Variants in BTG3 observed in about 807,000 individuals in gnomAD.
BTG3 encodes protein BTG3.
In BTG3, 4 loss-of-function variants were observed where a neutral mutation model predicts 25.8. The ratio of observed to expected loss-of-function variants is 0.16; its 90% CI spans 0.08 to 0.36. BTG3 has a LOEUF of 0.36. Ranked by LOEUF, BTG3 falls within the 10% of genes least tolerant of loss-of-function variation. BTG3 has a pLI of 1.00. For missense variants in BTG3, 201 were observed against 304.9 expected (o/e 0.66, Z 2.54); for synonymous variants, 107 against 99.9 (o/e 1.07, Z -0.42).
In BTG3 at chr21:17,611,146, CT is replaced by C. The variant is rs2061716814; in HGVS notation, c.-9+1552del. Among the ~76,000 whole-genome samples, 4 of 152,318 alleles carry C rather than the reference CT, an allele frequency of 2.6e-5. No individual in the cohort carries two copies. The South Asian group carries it at 8.3e-4, about 32-fold the overall frequency. The stretch of plus-strand genomic sequence containing the variant: ...TCCTGAAAAATGTAAGCCATTTCCA[CT>C]TTGTAAAGCTACGTTTATATTCCAC... On this transcript the variant is annotated intron_variant, in intron 1 of 4. Transcript: ENST00000348354.
At chr21:17,595,365 A>G (rs1294914947) in intron 4 of BTG3, among the ~76,000 whole-genome samples, 1 of 151,880 alleles carries the variant, frequency 6.6e-6, no homozygotes, top group Admixed American at 6.6e-5. Context: ...AAAAAGTACA[A>G]AAGGGTAAAC....
At chr21:17,599,539 G>A (rs1181894609) in intron 3 of BTG3, among the ~76,000 whole-genome samples, 1 of 149,374 alleles carries the variant, frequency 6.7e-6, no homozygotes, top group Non-Finnish European at 1.5e-5. Flanking sequence ...TGCAATGGGT[G>A]CAATCTCGGC....
intron 4 of BTG3, among the ~76,000 whole-genome samples, chr21:17,597,480 T>TG (rs1478683826): frequency 6.6e-6 from 1 of 151,840 alleles, no homozygotes; most frequent in Non-Finnish European, 1.5e-5. Context: ...GGAATGTCTC[T>TG]GGAAGGATAC....
intron 1 of BTG3, among the ~76,000 whole-genome samples, chr21:17,610,093 G>T (rs1164897560): frequency 1.3e-5 from 2 of 152,178 alleles, no homozygotes; most frequent in Non-Finnish European, 2.9e-5. Context: ...CATATTGTAC[G>T]ATTCCATTGA....
At chr21:17,604,328 C>G (rs1302549828) in intron 3 of BTG3, 1 of 217,996 alleles carries the variant, frequency 4.6e-6, no homozygotes, top group Non-Finnish European at 9.8e-6. Flanking sequence ...GCCTGTAATT[C>G]CAGCTACTCA....
intron 4 of BTG3, among the ~76,000 whole-genome samples, chr21:17,597,173 A>C (rs1345944227): frequency 6.6e-6 from 1 of 152,110 alleles, no homozygotes. Context: ...ATAGTCTTTC[A>C]ACATGAGGGA....
Position 17,594,060 on chromosome 21 carries a change from C to T in BTG3, c.*33G>A. ...GTAGTAAGGTTTATTCTACCTTTTTCTCAACATGACACCAACACAATCAAA... is the reference window on the plus strand; with the variant it reads ...GTAGTAAGGTTTATTCTACCTTTTTTTCAACATGACACCAACACAATCAAA... On this transcript the variant is annotated 3_prime_UTR_variant, in exon 5 of 5. Transcript: ENST00000348354. 1 of 1,597,390 alleles carries T rather than the reference C, an allele frequency of 6.3e-7. No individual in the cohort carries two copies. Among genetic ancestry groups the T allele is most frequent in the South Asian group, 1.1e-5 (1 of 88,290 alleles).
At chr21:17,595,688 T>A (rs2061495031) in intron 4 of BTG3, among the ~76,000 whole-genome samples, 1 of 151,730 alleles carries the variant, frequency 6.6e-6, no homozygotes, top group Non-Finnish European at 1.5e-5. Context: ...CTCTTACTAT[T>A]AAAAAAACAA....
Position 17,593,937 on chromosome 21 carries a change from T to A in BTG3, c.*156A>T. 1 of 980,324 alleles carries A rather than the reference T, an allele frequency of 1.0e-6. No homozygotes were observed. Among genetic ancestry groups the A allele is most frequent in the Non-Finnish European group, 1.4e-6 (1 of 697,198 alleles). 60.7% of individuals were successfully genotyped at this position (980,324 alleles called of 1,614,324 possible). A position where few individuals can be genotyped will look rare whatever the true frequency, so the allele number is the denominator to read the frequency against. On this transcript the variant is annotated 3_prime_UTR_variant, in exon 5 of 5. Transcript: ENST00000348354. ...CAATATCTAAAGTGCATATATTTTT[T>A]AAGAAAGATTATTCTCAATAACTTC...
At chr21:17,605,911 A>G (rs892109820) in intron 2 of BTG3, among the ~76,000 whole-genome samples, 2 of 152,216 alleles carry the variant, frequency 1.3e-5, no homozygotes, top group African/African-American at 4.8e-5. Context: ...CAGACCTGTA[A>G]CTATAAAACA....
At chr21:17,601,821 A>T (rs573523888) in intron 3 of BTG3, among the ~76,000 whole-genome samples, 1 of 152,358 alleles carries the variant, frequency 6.6e-6, no homozygotes, top group Admixed American at 6.5e-5. Context: ...CTGCCTTTGT[A>T]AACAGAAACC....
At chr21:17,599,676 C>T (rs2061548183) in intron 3 of BTG3, among the ~76,000 whole-genome samples, 1 of 152,122 alleles carries the variant, frequency 6.6e-6, no homozygotes. Context: ...GATGAGGTTT[C>T]ACCATGCTGG....
chr21:17,603,730 T>C (rs1194592509), intron 3 of BTG3, among the ~76,000 whole-genome samples: 1 of 152,180 alleles, frequency 6.6e-6, no homozygotes, highest in Non-Finnish European at 1.5e-5. Context: ...TTCCTGCTAG[T>C]TAGAACATCC....
In BTG3 at chr21:17,597,557, G is replaced by C. The variant is rs187573872; in HGVS notation, c.519+1060C>G. ...GAAATGCATAGGGACTGGTGGTTGG[G>C]GAGAAAGAGGACTTCTCACTATTAT... On this transcript the variant is annotated intron_variant, in intron 4 of 4. Coordinates refer to ENST00000348354, the MANE Select transcript of BTG3 (RefSeq NM_006806.5). 7.2e-5 allele frequency among the ~76,000 whole-genome samples: 11 copies of C among 151,912 alleles called. No individual in the cohort carries two copies. In the East Asian group the frequency reaches 1.9e-3, roughly 27 times the overall value.
intron 2 of BTG3, among the ~76,000 whole-genome samples, chr21:17,607,548 T>C (rs149271010): frequency 2.6e-4 from 39 of 152,336 alleles, no homozygotes; most frequent in South Asian, 1.4e-3. Flanking sequence ...TTCTTGTCAA[T>C]AGAACACAAG....
rs1361137113 is a variant in BTG3, at chr21:17,594,155, G to A, written c.697C>T (p.Pro233Ser). Reference sequence around the variant, plus strand: ...TTCCGGTCACAATGCATTCCAGGAGGAGGTACCCATGTCACTGGAATTGGG... The same window carrying A: ...TTCCGGTCACAATGCATTCCAGGAGAAGGTACCCATGTCACTGGAATTGGG... The part of the protein sequence containing the change: ...YRPIPVTWVP[P>S]PGMHCDRNHW... The change falls in exon 5 of 5, where the codon CCT becomes TCT. Residue 233 changes from proline to serine, a missense_variant. Pro to Ser is a moderately conservative substitution (Grantham distance 74). Around this residue, in one of 2 missense-constraint regions of BTG3, gnomAD observed 131 missense variants for 129.3 expected, o/e 1.01. Transcript: ENST00000348354. 6.2e-7 allele frequency: 1 copy of A among 1,613,256 alleles called. No individual in the cohort carries two copies. The highest frequency in any genetic ancestry group is 2.2e-5 in the East Asian group (1 of 44,856).
intron 2 of BTG3, among the ~76,000 whole-genome samples, chr21:17,607,408 A>T (rs1216734052): frequency 6.6e-6 from 1 of 152,204 alleles, no homozygotes; most frequent in Non-Finnish European, 1.5e-5. Context: ...AATTAAGATA[A>T]TCAAGAGATA....
rs140136580 is a variant in BTG3 at position 17,601,864 on chromosome 21, A to T, written c.311+2996T>A. On this transcript the variant is annotated intron_variant, in intron 3 of 4. Coordinates refer to ENST00000348354, the MANE Select transcript of BTG3 (RefSeq NM_006806.5). ...AGGGCAAATATCTAATGATTGAAGG[A>T]TCAGCATTATTAACTCAGATTTCTT... is the stretch of plus-strand genomic sequence containing the variant. 3.4e-3 allele frequency among the ~76,000 whole-genome samples: 519 copies of T among 152,322 alleles called. 3 individuals are homozygous for T. The highest frequency in any genetic ancestry group is 0.012 in the African/African-American group (486 of 41,576).
At chr21:17,606,481 T>C (rs1054042798) in intron 2 of BTG3, among the ~76,000 whole-genome samples, 2 of 152,262 alleles carry the variant, frequency 1.3e-5, no homozygotes, top group African/African-American at 4.8e-5. Context: ...ATTCTAATAT[T>C]GTATAGGGTA....
Sources: allele counts gnomAD v4.1 joint callset (sites outside exome capture counted in the v4.1 genomes callset), GRCh38; gene constraint gnomAD v4.1.1; regional missense constraint gnomAD v4.1.1; transcripts MANE v1.5; gene names NCBI Gene and HGNC (gene_info 2026-07-23, HGNC 2026-07-21).